Variants in GNAS observed in about 807,000 individuals in gnomAD.
GNAS encodes the protein protein ALEX.
GNAS carries 8 observed loss-of-function variants against 54.5 expected under a neutral mutation model. That is an observed-to-expected ratio of 0.15 (90% CI 0.09 to 0.26). The LOEUF is 0.26. GNAS is among the 10% of genes least tolerant of loss of function. The probability of loss-of-function intolerance (pLI) is 1.00; values close to 1 mark genes in which losing one functional copy is unlikely to be tolerated. For synonymous variants in GNAS, 204 were observed against 191.4 expected (o/e 1.07, Z -0.54); for missense variants, 170 against 529.8 (o/e 0.32, Z 6.67).
At chr20:58,844,685 A>T (rs1600671090) in intron 1 of GNAS, among the ~76,000 whole-genome samples, 2 of 152,060 alleles carry the variant, frequency 1.3e-5, no homozygotes, top group East Asian at 3.9e-4. Context: ...TACACTAGTG[A>T]TTTAACCCTA....
intron 1 of GNAS, among the ~76,000 whole-genome samples, chr20:58,858,354 G>A (rs1174002624): frequency 2.0e-5 from 3 of 152,002 alleles, no homozygotes; most frequent in African/African-American, 7.3e-5. Flanking sequence ...TCATTACAGG[G>A]AATCCTAAGA....
upstream of GNAS, among the ~76,000 whole-genome samples, chr20:58,889,891 T>A (rs1336722300): frequency 6.6e-6 from 1 of 151,242 alleles, no homozygotes; most frequent in Non-Finnish European, 1.5e-5. Flanking sequence ...ATGCTGAAGA[T>A]GGCCATGAAG....
Position 58,891,530 on chromosome 20 carries a change from G to C in GNAS, c.-197G>C, listed in dbSNP as rs1223189908. The C allele has an allele frequency of 1.4e-5, 14 of 975,428 alleles. No individual in the cohort carries two copies. Among genetic ancestry groups the C allele is most frequent in the South Asian group, 9.3e-5 (2 of 21,606 alleles). 60.4% of individuals were successfully genotyped at this position (975,428 alleles called of 1,614,324 possible). On this transcript the variant is annotated 5_prime_UTR_variant, in exon 1 of 13. Coordinates refer to ENST00000371085, the MANE Select transcript of GNAS (RefSeq NM_000516.7). Reference sequence around the variant, plus strand: ...GCTGCGCGCGCCCCTCGGTCCGACCGACACCCTCCCCTTCCCGCCCGTCCG... The same window carrying C: ...GCTGCGCGCGCCCCTCGGTCCGACCCACACCCTCCCCTTCCCGCCCGTCCG...
Position 58,854,947 on chromosome 20 carries a change from G to T in GNAS, c.43+14061G>T, listed in dbSNP as rs553453544. On this transcript the variant is annotated intron_variant, in intron 1 of 12. Coordinates refer to the GNAS transcript ENST00000306090. ...GGCAAGTCCGAGAGCAGCCGCGGCC[G>T]CCGCGTGTACTACGATGAAGGGGTG... 1.2e-5 allele frequency: 19 copies of T among 1,607,598 alleles called. No individual in the cohort carries two copies. In the African/African-American group the frequency reaches 1.6e-4, roughly 14 times the overall value.
chr20:58,852,580 C>G (rs1302580198), intron 1 of GNAS: 1 of 177,402 alleles, frequency 5.6e-6, no homozygotes, highest in Non-Finnish European at 1.2e-5. Flanking sequence ...TTCAGTCCCC[C>G]CTCCCCCGAG....
rs1321779165 is a variant in GNAS at position 58,863,860 on chromosome 20, C to A, written c.43+22974C>A. ...TGATGGTATTTTTACAGGGAACCTG[C>A]ATTCAGGTAAGTTTGAAGCTGTGGG... On this transcript the variant is annotated intron_variant, in intron 1 of 12. Coordinates refer to the GNAS transcript ENST00000306090. This position sits in a 1 kb window ranked among gnomAD's most constrained non-coding sequence, Gnocchi z 4.1. 9 of 152,750 alleles carry A rather than the reference C, an allele frequency of 5.9e-5. No homozygotes were observed. In the East Asian group the frequency reaches 1.3e-3, roughly 23 times the overall value. 9.5% of individuals were successfully genotyped at this position (152,750 alleles called of 1,614,324 possible).
At chr20:58,864,289 G>A (rs919180896) in intron 1 of GNAS, among the ~76,000 whole-genome samples, 3 of 152,186 alleles carry the variant, frequency 2.0e-5, no homozygotes, top group Non-Finnish European at 4.4e-5. Context: ...AGCCCTGTGG[G>A]TTTCTCTTTT....
At chr20:58,840,275 G>A (rs2085666535), upstream of GNAS, 12 of 1,612,106 alleles carry the variant, frequency 7.4e-6, no homozygotes, top group East Asian at 2.7e-4. This position sits in a 1 kb window ranked among gnomAD's most constrained non-coding sequence, Gnocchi z 6.0. Context: ...GCAGCGCGCG[G>A]CTGCCCAACA....
chr20:58,898,519 A>T (rs759334935), intron 2 of GNAS: 3 of 198,344 alleles, frequency 1.5e-5, no homozygotes, highest in Non-Finnish European at 3.1e-5. Flanking sequence ...TTATGCCTTT[A>T]TGCCTTAAGT....
intron 1 of GNAS, among the ~76,000 whole-genome samples, chr20:58,875,813 C>T (rs143125425): frequency 6.6e-6 from 1 of 152,140 alleles, no homozygotes; most frequent in African/African-American, 2.4e-5. Flanking sequence ...ATGACACATA[C>T]AACAGTCAGG....
intron 1 of GNAS, 53 bp downstream of exon 1, chr20:58,891,918 C>T (rs2089410150): frequency 4.2e-6 from 4 of 961,382 alleles, no homozygotes; most frequent in African/African-American, 1.8e-5. Context: ...CGAAGGGCGC[C>T]CCGCAGGCCG....
intron 5 of GNAS, 120 bp from the exon 6 acceptor site, chr20:58,905,263 A>T: frequency 1.4e-6 from 1 of 717,292 alleles, no homozygotes; most frequent in South Asian, 1.5e-5. Flanking sequence ...TGGGCTCAAA[A>T]TTCAAAATCA....
At position 58,840,984 on chromosome 20, in the gene GNAS, G is replaced by C; in HGVS notation, c.43+98G>C. 1 of 1,305,506 alleles carries C rather than the reference G, an allele frequency of 7.7e-7. No individual in the cohort carries two copies. Among genetic ancestry groups the C allele is most frequent in the East Asian group, 2.5e-5 (1 of 40,076 alleles). 80.9% of individuals were successfully genotyped at this position (1,305,506 alleles called of 1,614,324 possible). A position where few individuals can be genotyped will look rare whatever the true frequency, so the allele number is the denominator to read the frequency against. The stretch of plus-strand genomic sequence containing the variant: ...AGGAAAGGCAGGTCAGGGGCGAGTG[G>C]GAAGAGAGGAGGCTCAGCTGGTCAG... On this transcript the variant is annotated intron_variant, in intron 1 of 12. Transcript: ENST00000306090. This position sits in a 1 kb window ranked among gnomAD's most constrained non-coding sequence, Gnocchi z 6.0.
At chr20:58,895,853 C>T (rs1395859365) in intron 2 of GNAS, among the ~76,000 whole-genome samples, 169 bp downstream of exon 2, 1 of 152,072 alleles carries the variant, frequency 6.6e-6, no homozygotes, top group African/African-American at 2.4e-5. Flanking sequence ...TCCCTCACCC[C>T]CCACCCCCTT....
intron 1 of GNAS, chr20:58,852,990 C>T (rs1403645958): frequency 8.0e-7 from 1 of 1,250,146 alleles, no homozygotes; most frequent in Non-Finnish European, 1.0e-6. Context: ...AAGGATAGAC[C>T]AAGGAAGAGG....
intron 1 of GNAS, among the ~76,000 whole-genome samples, chr20:58,876,339 G>C (rs1049946363): frequency 6.6e-6 from 1 of 152,122 alleles, no homozygotes; most frequent in African/African-American, 2.4e-5. Context: ...ATGTGTATTT[G>C]AATAGATGTC....
intron 2 of GNAS, among the ~76,000 whole-genome samples, chr20:58,896,091 TCACCC>T (rs1201728206): frequency 2.0e-5 from 3 of 152,144 alleles, no homozygotes; most frequent in African/African-American, 7.2e-5. Context: ...CACTGCAAAT[TCACCC>T]CACCCCACCT....
chr20:58,849,962 C>T (rs1347415733), intron 1 of GNAS, among the ~76,000 whole-genome samples: 1 of 152,220 alleles, frequency 6.6e-6, no homozygotes, highest in Non-Finnish European at 1.5e-5. Context: ...AGTGCTTGCC[C>T]TCATACTCCA....
chr20:58,861,595 A>G (rs187087722), intron 1 of GNAS, among the ~76,000 whole-genome samples: 4 of 152,322 alleles, frequency 2.6e-5, no homozygotes, highest in East Asian at 1.9e-4. Flanking sequence ...AAAAGTCTGC[A>G]AGTCCTAAGT....
Sources: allele counts gnomAD v4.1 joint callset (sites outside exome capture counted in the v4.1 genomes callset), GRCh38; gene constraint gnomAD v4.1.1; non-coding constraint Gnocchi (gnomAD v3.1); transcripts MANE v1.5; gene names NCBI Gene and HGNC (gene_info 2026-07-23, HGNC 2026-07-21).